The following PHLPP1 variants were observed in gnomAD, a reference collection of about 807,000 sequenced individuals.
PHLPP1 encodes the protein PH domain and leucine rich repeat protein phosphatase 1, also known as PH domain leucine-rich repeat-containing protein phosphatase 1.
In PHLPP1, 42 loss-of-function variants were observed where a neutral mutation model predicts 117.2. The observed-to-expected ratio is 0.36, with a 90% CI of 0.28 to 0.46. The LOEUF is 0.46. Among genes scored for constraint, PHLPP1 ranks in the 20% least tolerant of loss-of-function variants. The pLI is 1.00. For missense variants in PHLPP1, 2,084 were observed against 2,241.9 expected (o/e 0.93, Z 1.42); for synonymous variants, 1,042 against 970.7 (o/e 1.07, Z -1.37).
chr18:62,825,444 TATATA>T (rs574889678), intron 1 of PHLPP1: 216 of 147,400 alleles, frequency 1.5e-3, no homozygotes, highest in African/African-American at 5.2e-3. Flanking sequence ...ATATTTATTA[TATATA>T]ATATATTTAT....
intron 10 of PHLPP1, among the ~76,000 whole-genome samples, chr18:62,936,063 G>C (rs569578674): frequency 6.6e-6 from 1 of 152,226 alleles, no homozygotes; most frequent in South Asian, 2.1e-4. Flanking sequence ...TCAACAAAAG[G>C]AATCAGGTGT....
At chr18:62,807,850 T>G (rs190644709) in intron 1 of PHLPP1, among the ~76,000 whole-genome samples, 275 of 152,320 alleles carry the variant, frequency 1.8e-3, no homozygotes, top group African/African-American at 6.4e-3. Context: ...CGGGAATTGC[T>G]TTGGGTGGGT....
rs1555683300 is a variant in PHLPP1 at position 62,938,994 on chromosome 18, C to CT, written c.2961-2711dup. Among the ~76,000 whole-genome samples the CT allele has an allele frequency of 2.5e-3, 320 of 128,664 alleles. 1 individual carries two copies. The highest frequency in any genetic ancestry group is 4.1e-3 in the East Asian group (18 of 4,416). 84.4% of individuals were successfully genotyped at this position (128,664 alleles called of 152,430 possible). A position where few individuals can be genotyped will look rare whatever the true frequency, so the allele number is the denominator to read the frequency against. ...GTCTTTTTTCTTTCTTTCTTTCTTT[C>CT]TTTTTTTTTTTTTGAGCCGGAGTTT... On this transcript the variant is annotated intron_variant, in intron 10 of 16. Transcript: ENST00000262719.
At chr18:62,805,679 G>A (rs1340861933) in intron 1 of PHLPP1, among the ~76,000 whole-genome samples, 1 of 152,012 alleles carries the variant, frequency 6.6e-6, no homozygotes, top group Non-Finnish European at 1.5e-5. Context: ...CTGTCTTAAT[G>A]GTGTCTTTCG....
At chr18:62,900,955 G>A (rs986765335) in intron 6 of PHLPP1, among the ~76,000 whole-genome samples, 5 of 152,062 alleles carry the variant, frequency 3.3e-5, no homozygotes, top group Admixed American at 1.3e-4. Context: ...ATAATAAAAC[G>A]GTTCATCCTA....
chr18:62,810,783 G>A (rs957443828), intron 1 of PHLPP1, among the ~76,000 whole-genome samples: 4 of 152,126 alleles, frequency 2.6e-5, no homozygotes, highest in Non-Finnish European at 2.9e-5. Context: ...AACAAAGGTA[G>A]TACTATAAAT....
chr18:62,979,480 C>G lies in PHLPP1; in HGVS notation c.*49C>G. On this transcript the variant is annotated 3_prime_UTR_variant, in exon 17 of 17. Transcript: ENST00000262719. ...AAACTAACCACAAAAGACTGAGTTG[C>G]AAGAGTCTCCCAGGCTCACATTAAA... 1 of 1,525,280 alleles carries G rather than the reference C, an allele frequency of 6.6e-7. No homozygotes were observed. Among genetic ancestry groups the G allele is most frequent in the Admixed American group, 2.0e-5 (1 of 49,190 alleles). 94.5% of individuals were successfully genotyped at this position (1,525,280 alleles called of 1,614,324 possible). A position where few individuals can be genotyped will look rare whatever the true frequency, so the allele number is the denominator to read the frequency against.
At chr18:62,970,021 G>C (rs764269292) in intron 14 of PHLPP1, among the ~76,000 whole-genome samples, 5 of 151,986 alleles carry the variant, frequency 3.3e-5, no homozygotes, top group Non-Finnish European at 7.4e-5. Context: ...TGTGCCATCT[G>C]TTCTTTATTT....
intron 1 of PHLPP1, among the ~76,000 whole-genome samples, chr18:62,822,854 A>G (rs185398303): frequency 1.1e-3 from 169 of 152,366 alleles, no homozygotes; most frequent in African/African-American, 3.8e-3. Context: ...ATTGACCTAT[A>G]TAACTATTGG....
chr18:62,716,336 C>T lies in PHLPP1; in HGVS notation c.653C>T (p.Pro218Leu). 6.5e-6 allele frequency: 10 copies of T among 1,529,314 alleles called. No homozygotes were observed. Among genetic ancestry groups the T allele is most frequent in the Non-Finnish European group, 7.9e-6 (9 of 1,144,624 alleles). The allele number at this position is 1,529,314 out of a possible 1,614,324, so 94.7% of individuals were successfully genotyped here. ...DRHMASTYLRPVLCTLDTTAG... is the reference protein window; with the variant it reads ...DRHMASTYLRLVLCTLDTTAG... Reference sequence around the variant, plus strand: ...CACATGGCCTCGACCTACCTGCGCCCGGTGCTCTGCACACTGGACACCACG... The same window carrying T: ...CACATGGCCTCGACCTACCTGCGCCTGGTGCTCTGCACACTGGACACCACG... Residue 218 changes from proline to leucine, a missense_variant, in exon 1 of 17, where the codon CCG becomes CTG. Around this residue, in one of 2 missense-constraint regions of PHLPP1, gnomAD observed 719 missense variants for 636.0 expected, o/e 1.13. Transcript: ENST00000262719. This position sits in a 1 kb window ranked among gnomAD's most constrained non-coding sequence, Gnocchi z 5.7.
intron 4 of PHLPP1, among the ~76,000 whole-genome samples, chr18:62,893,962 T>C (rs1315289512): frequency 1.3e-5 from 2 of 152,208 alleles, no homozygotes; most frequent in Non-Finnish European, 2.9e-5. Context: ...GGAGCCAGCA[T>C]GTGATAGGAC....
chr18:62,945,343 C>A, intron 12 of PHLPP1, 72 bp downstream of exon 12: 1 of 1,252,464 alleles, frequency 8.0e-7, no homozygotes, highest in Non-Finnish European at 1.1e-6. Flanking sequence ...CTCATCAACT[C>A]AGGACGTTTG....
chr18:62,864,593 A>G (rs1915724799), intron 4 of PHLPP1, among the ~76,000 whole-genome samples: 1 of 152,246 alleles, frequency 6.6e-6, no homozygotes, highest in South Asian at 2.1e-4. Flanking sequence ...GCATTCCTAC[A>G]CAAAGAGTAC....
At chr18:62,768,121 T>G (rs1466318644) in intron 1 of PHLPP1, among the ~76,000 whole-genome samples, 1 of 152,222 alleles carries the variant, frequency 6.6e-6, no homozygotes, top group Non-Finnish European at 1.5e-5. Flanking sequence ...CTGAATTTAA[T>G]TTATATCTTA....
rs1400433711 is a variant in PHLPP1 at position 62,979,284 on chromosome 18, G to A, written c.5007G>A (p.Glu1669=). 1 of 1,560,088 alleles carries A rather than the reference G, an allele frequency of 6.4e-7. No homozygotes were observed. Among genetic ancestry groups the A allele is most frequent in the South Asian group, 1.2e-5 (1 of 84,860 alleles). Residue 1669 remains glutamate, a synonymous_variant, in exon 17 of 17, where the codon GAG becomes GAA. Coordinates refer to ENST00000262719, the MANE Select transcript of PHLPP1 (RefSeq NM_194449.4). ...ATGATCAGTTTATCATACCCCCGGA[G>A]CTGGAAGAGGAGGTCAAAGAAATCA... ...DPDDQFIIPP[E]LEEEVKEIMK...
At chr18:62,759,083 C>A (rs781450872) in intron 1 of PHLPP1, among the ~76,000 whole-genome samples, 6 of 152,262 alleles carry the variant, frequency 3.9e-5, no homozygotes, top group South Asian at 4.1e-4. Context: ...GTCCTTAAGA[C>A]AACTTGTAGC....
chr18:62,775,352 G>A (rs954883933), intron 1 of PHLPP1, among the ~76,000 whole-genome samples: 1 of 152,078 alleles, frequency 6.6e-6, no homozygotes, highest in African/African-American at 2.4e-5. Context: ...CACCCGCCTC[G>A]GCCTCCTGAA....
At chr18:62,738,504 A>T (rs575674564) in intron 1 of PHLPP1, among the ~76,000 whole-genome samples, 16 of 152,340 alleles carry the variant, frequency 1.1e-4, no homozygotes, top group African/African-American at 3.8e-4. Flanking sequence ...ATGTGGGAGG[A>T]TATGCATAAG....
intron 1 of PHLPP1, among the ~76,000 whole-genome samples, chr18:62,727,827 C>T (rs752439367): frequency 6.6e-6 from 1 of 151,954 alleles, no homozygotes; most frequent in East Asian, 1.9e-4. Context: ...CCCACGCCAT[C>T]GTCACTTTTA....
Sources: allele counts gnomAD v4.1 joint callset (sites outside exome capture counted in the v4.1 genomes callset), GRCh38; gene constraint gnomAD v4.1.1; regional missense constraint gnomAD v4.1.1; non-coding constraint Gnocchi (gnomAD v3.1); transcripts MANE v1.5; gene names NCBI Gene and HGNC (gene_info 2026-07-23, HGNC 2026-07-21).